The following SAV1 variants were observed in gnomAD, a reference collection of about 807,000 sequenced individuals.
SAV1 encodes salvador family WW domain containing protein 1, also known as protein salvador homolog 1.
In SAV1, 23 loss-of-function variants were observed where a neutral mutation model predicts 47.3. The observed-to-expected ratio is 0.49, with a 90% CI of 0.35 to 0.69. SAV1 has a LOEUF of 0.69. SAV1 is among the 30% of genes least tolerant of loss of function. The pLI is 0.01. For synonymous variants in SAV1, 155 were observed against 159.2 expected (o/e 0.97, Z 0.20); for missense variants, 448 against 457.4 (o/e 0.98, Z 0.19).
At chr14:50,643,408 G>A (rs2039696481) in intron 3 of SAV1, among the ~76,000 whole-genome samples, 1 of 152,102 alleles carries the variant, frequency 6.6e-6, no homozygotes, top group Non-Finnish European at 1.5e-5. Context: ...TTACGTGGTG[G>A]CAGGAGAGAG....
Position 50,667,895 on chromosome 14 carries a change from C to G in SAV1, c.73G>C (p.Glu25Gln). ...AEVQGKYVKKETSPLLRNLMP... is the reference protein window; with the variant it reads ...AEVQGKYVKKQTSPLLRNLMP... The stretch of plus-strand genomic sequence containing the variant: ...TCACTCCGAAGCAGAGGCGACGTCT[C>G]CTTCTTCACGTACTTCCCCTGCACC... The change falls in exon 1 of 5, where the codon GAG becomes CAG. Residue 25 changes from glutamate (E) to glutamine (Q), a missense_variant. Transcript: ENST00000324679. The G allele has an allele frequency of 6.2e-7, 1 of 1,613,226 alleles. No homozygotes were observed. Among genetic ancestry groups the G allele is most frequent in the Non-Finnish European group, 8.5e-7 (1 of 1,179,518 alleles).
chr14:50,646,111 T>C (rs2039719368), intron 2 of SAV1, among the ~76,000 whole-genome samples: 1 of 152,166 alleles, frequency 6.6e-6, no homozygotes, highest in African/African-American at 2.4e-5. Flanking sequence ...AGACCTCCCG[T>C]AGATGCCTGA....
chr14:50,655,037 C>T (rs1186423392), intron 2 of SAV1, among the ~76,000 whole-genome samples: 1 of 152,132 alleles, frequency 6.6e-6, no homozygotes, highest in Non-Finnish European at 1.5e-5. Flanking sequence ...CAGAACAAAA[C>T]AAGCCTTTTG....
chr14:50,654,307 A>G (rs2039794281), intron 2 of SAV1, among the ~76,000 whole-genome samples: 1 of 152,234 alleles, frequency 6.6e-6, no homozygotes, highest in Non-Finnish European at 1.5e-5. Context: ...TAGTCATTTC[A>G]ACAATATTTA....
chr14:50,638,082 G>A (rs536776694), intron 4 of SAV1: 55 of 152,270 alleles, frequency 3.6e-4, no homozygotes, highest in Middle Eastern at 6.8e-3. Context: ...GGAAGAAAGT[G>A]CACTCCAAGA....
intron 1 of SAV1, 60 bp downstream of exon 1, chr14:50,667,813 AG>A (rs1459291111): frequency 7.2e-7 from 1 of 1,379,646 alleles, no homozygotes; most frequent in Non-Finnish European, 1.0e-6. Context: ...CGCCCCCGCC[AG>A]GGTCCCCGGA....
intron 2 of SAV1, among the ~76,000 whole-genome samples, chr14:50,656,659 G>C (rs992740887): frequency 2.6e-4 from 40 of 152,092 alleles, no homozygotes; most frequent in Admixed American, 1.8e-3. Flanking sequence ...AGCCAGGATG[G>C]TCTCGATCTC....
intron 2 of SAV1, among the ~76,000 whole-genome samples, chr14:50,647,886 T>C (rs1313163682): frequency 6.6e-6 from 1 of 152,200 alleles, no homozygotes; most frequent in Non-Finnish European, 1.5e-5. Flanking sequence ...AGCTTAGCAA[T>C]TTCTTATAAA....
chr14:50,659,822 C>A (rs551658179), intron 2 of SAV1, among the ~76,000 whole-genome samples: 1 of 152,228 alleles, frequency 6.6e-6, no homozygotes, highest in African/African-American at 2.4e-5. Flanking sequence ...ACAGCCCGGG[C>A]AACAGAGCAA....
chr14:50,665,578 T>A lies in SAV1; in HGVS notation c.136A>T (p.Arg46Ter), dbSNP rs1301360684. 2 of 1,613,230 alleles carry A rather than the reference T, an allele frequency of 1.2e-6. No individual in the cohort carries two copies. Among genetic ancestry groups the A allele is most frequent in the Non-Finnish European group, 1.7e-6 (2 of 1,179,562 alleles). Residue 46 changes from arginine to a stop codon, truncating the protein, a stop_gained, in exon 2 of 5, where the codon AGA (arginine) becomes TGA (stop). Transcript: ENST00000324679. LOFTEE classifies it high-confidence loss of function. ...SFIRHGPTIP[R>*]RTDICLPDSS... ...TCTGGAAGACAGATATCAGTTCGTC[T>A]TGGAATTGTTGGACCATGCCGGATG...
chr14:50,657,826 C>A (rs574512375), intron 2 of SAV1, among the ~76,000 whole-genome samples: 24 of 152,288 alleles, frequency 1.6e-4, no homozygotes, highest in Admixed American at 9.8e-4. Context: ...GTCGAAGACA[C>A]AGATAAAGTA....
chr14:50,635,795 C>T (rs111881757), intron 4 of SAV1, among the ~76,000 whole-genome samples: 14,021 of 152,140 alleles, frequency 0.092, 1,062 homozygotes, highest in African/African-American at 0.21. Context: ...CTGCAACCTC[C>T]GCCTCCCGGG....
chr14:50,659,109 C>A (rs2039837744), intron 2 of SAV1, among the ~76,000 whole-genome samples: 1 of 135,294 alleles, frequency 7.4e-6, no homozygotes. Flanking sequence ...GGGAGAGATA[C>A]CTTATTACCT....
At position 50,665,168 on chromosome 14, in the gene SAV1, T is replaced by C. The variant is rs1161910424; in HGVS notation, c.535+11A>G. On this transcript the variant is annotated intron_variant, in intron 2 of 4. Transcript: ENST00000324679. ...ATATAAACTACTATATTATTTATAA[T>C]GTTAAGCTACCTGAAGCATGCCTCC... 9.1e-6 allele frequency: 14 copies of C among 1,535,448 alleles called. No individual in the cohort carries two copies. Among genetic ancestry groups the C allele is most frequent in the South Asian group, 5.1e-5 (4 of 78,878 alleles).
intron 2 of SAV1, among the ~76,000 whole-genome samples, chr14:50,648,257 G>C (rs1400090943): frequency 6.6e-6 from 1 of 152,182 alleles, no homozygotes; most frequent in African/African-American, 2.4e-5. Context: ...TACTAGGACA[G>C]AAAACAGTGA....
At chr14:50,660,668 G>A (rs2039851375) in intron 2 of SAV1, among the ~76,000 whole-genome samples, 1 of 152,094 alleles carries the variant, frequency 6.6e-6, no homozygotes, top group Non-Finnish European at 1.5e-5. Context: ...GTTAACTGTA[G>A]TTACCCTACT....
chr14:50,638,607 GA>G (rs1255216169), intron 4 of SAV1, among the ~76,000 whole-genome samples: 1 of 152,032 alleles, frequency 6.6e-6, no homozygotes, highest in Non-Finnish European at 1.5e-5. Flanking sequence ...CCTGTATCCA[GA>G]GCAGGGTCAA....
intron 4 of SAV1, among the ~76,000 whole-genome samples, chr14:50,638,367 T>A (rs766300176): frequency 3.3e-5 from 5 of 152,218 alleles, no homozygotes; most frequent in African/African-American, 1.2e-4. Flanking sequence ...GCTTCTAGCA[T>A]CTCTTTCACT....
At position 50,667,927 on chromosome 14, in the gene SAV1, G is replaced by T. The variant is rs760550477; in HGVS notation, c.41C>A (p.Pro14Gln). 10 of 1,612,624 alleles carry T rather than the reference G, an allele frequency of 6.2e-6. No homozygotes were observed. Among genetic ancestry groups the T allele is most frequent in the Middle Eastern group, 1.8e-4 (1 of 5,626 alleles). ...RKKTKNEVSK[P>Q]AEVQGKYVKK... ...CACGTACTTCCCCTGCACCTCGGCC[G>T]GCTTGGACACTTCGTTTTTGGTTTT... The change falls in exon 1 of 5, where the codon CCG becomes CAG. Residue 14 changes from proline (P) to glutamine (Q), a missense_variant. Coordinates refer to ENST00000324679, the MANE Select transcript of SAV1 (RefSeq NM_021818.4).
Sources: allele counts gnomAD v4.1 joint callset (sites outside exome capture counted in the v4.1 genomes callset), GRCh38; gene constraint gnomAD v4.1.1; transcripts MANE v1.5; gene names NCBI Gene and HGNC (gene_info 2026-07-23, HGNC 2026-07-21).